ANO10: variants seen among roughly 807,000 people sequenced by gnomAD.
The protein encoded by ANO10 is anoctamin-10.
In ANO10, 77 loss-of-function variants were observed where a neutral mutation model predicts 74.7. That is an observed-to-expected ratio of 1.03 (90% CI 0.86 to 1.25). The LOEUF (loss-of-function observed/expected upper bound fraction) is 1.25. Ranked by LOEUF, ANO10 falls within the 50% of genes most tolerant of loss-of-function variation. ANO10 has a pLI of 0.00. For missense variants in ANO10, 721 were observed against 778.1 expected (o/e 0.93, Z 0.87); for synonymous variants, 279 against 284.9 (o/e 0.98, Z 0.21).
intron 1 of ANO10, among the ~76,000 whole-genome samples, chr3:43,617,621 G>C (rs1316660562): frequency 6.6e-6 from 1 of 152,168 alleles, no homozygotes; most frequent in Non-Finnish European, 1.5e-5. Context: ...GTTCACCATG[G>C]AGAGGTCAGG....
chr3:43,374,071 TG>T (rs2091713970), intron 12 of ANO10, among the ~76,000 whole-genome samples: 1 of 152,048 alleles, frequency 6.6e-6, no homozygotes, highest in Admixed American at 6.5e-5. Context: ...CAGCATGGAG[TG>T]GACGCACCCA....
chr3:43,573,639 G>A (rs2080851322), intron 7 of ANO10, among the ~76,000 whole-genome samples: 1 of 152,142 alleles, frequency 6.6e-6, no homozygotes, highest in African/African-American at 2.4e-5. Context: ...CCCGATAAAT[G>A]AGGTGTTTTC....
chr3:43,512,792 A>G (rs2077559696), intron 11 of ANO10, among the ~76,000 whole-genome samples: 1 of 152,196 alleles, frequency 6.6e-6, no homozygotes, highest in Admixed American at 6.6e-5. Flanking sequence ...ACAACAACCA[A>G]AAAACAAGAC....
chr3:43,577,097 A>G lies in ANO10; in HGVS notation c.757T>C (p.Trp253Arg). The part of the protein sequence containing the change: ...YVIFASFNLI[W>R]STVILELWKR... ...CACAGTTCCAGAATCACCGTGGACC[A>G]GATGAGGTTGAACGAGGCAAAGATC... The change falls in exon 6 of 13, where the codon TGG (tryptophan) becomes CGG (arginine). Residue 253 changes from tryptophan to arginine, a missense_variant. Trp to Arg is a moderately radical substitution (Grantham distance 101). Transcript: ENST00000292246. The G allele has an allele frequency of 6.2e-7, 1 of 1,614,238 alleles. No homozygotes were observed. Among genetic ancestry groups the G allele is most frequent in the Non-Finnish European group, 8.5e-7 (1 of 1,180,038 alleles).
At chr3:43,418,733 G>A (rs1291874606) in intron 12 of ANO10, among the ~76,000 whole-genome samples, 1 of 152,206 alleles carries the variant, frequency 6.6e-6, no homozygotes, top group Non-Finnish European at 1.5e-5. Flanking sequence ...GGAAGCAGCT[G>A]GGTGGCTCTG....
chr3:43,612,199 T>TCTCAAGA (rs2082868607), intron 1 of ANO10, among the ~76,000 whole-genome samples: 3 of 133,022 alleles, frequency 2.3e-5, no homozygotes, highest in Admixed American at 1.6e-4. Flanking sequence ...CAAGAAACAA[T>TCTCAAGA]CTCAAGACTT....
chr3:43,433,100 C>T (rs944103237), intron 11 of ANO10, among the ~76,000 whole-genome samples: 1 of 151,416 alleles, frequency 6.6e-6, no homozygotes, highest in Non-Finnish European at 1.5e-5. Context: ...CACCATCACA[C>T]CTAACTAATT....
At chr3:43,592,764 GA>G (rs2149453759) in intron 4 of ANO10, among the ~76,000 whole-genome samples, 1 of 152,336 alleles carries the variant, frequency 6.6e-6, no homozygotes, top group Non-Finnish European at 1.5e-5. Flanking sequence ...TTGACGAGTT[GA>G]GAGAAGAAGG....
At chr3:43,539,563 G>A (rs2078864882) in intron 11 of ANO10, among the ~76,000 whole-genome samples, 1 of 152,166 alleles carries the variant, frequency 6.6e-6, no homozygotes, top group South Asian at 2.1e-4. Context: ...GGGTGCAGTA[G>A]GAGACAGCAG....
intron 8 of ANO10, among the ~76,000 whole-genome samples, chr3:43,563,418 GTTT>G (rs35992992): frequency 4.5e-5 from 5 of 112,214 alleles, no homozygotes; most frequent in Non-Finnish European, 7.4e-5. Flanking sequence ...ATGGCGAGAG[GTTT>G]TTTTTTTTTT....
At chr3:43,581,514 G>A (rs995877955) in intron 4 of ANO10, among the ~76,000 whole-genome samples, 1 of 152,160 alleles carries the variant, frequency 6.6e-6, no homozygotes, top group African/African-American at 2.4e-5. Context: ...GAGGAAGTGT[G>A]TTCTGTAGAT....
chr3:43,517,139 T>C (rs1350282255), intron 11 of ANO10, among the ~76,000 whole-genome samples: 2 of 152,196 alleles, frequency 1.3e-5, no homozygotes, highest in Non-Finnish European at 2.9e-5. Context: ...TCCAATCAAG[T>C]TTTTATAATC....
chr3:43,683,370 A>T (rs1424598270), intron 1 of ANO10, among the ~76,000 whole-genome samples: 1 of 152,212 alleles, frequency 6.6e-6, no homozygotes, highest in African/African-American at 2.4e-5. Flanking sequence ...TCCAACTTAC[A>T]AAGGACATGA....
intron 1 of ANO10, among the ~76,000 whole-genome samples, chr3:43,607,863 C>T (rs2082635763): frequency 6.6e-6 from 1 of 151,608 alleles, no homozygotes; most frequent in African/African-American, 2.4e-5. Context: ...AATTAAGAAC[C>T]CAAGGAAGGC....
At chr3:43,457,656 A>G (rs1296068494) in intron 11 of ANO10, among the ~76,000 whole-genome samples, 1 of 152,178 alleles carries the variant, frequency 6.6e-6, no homozygotes, top group African/African-American at 2.4e-5. Context: ...GTGGGAACAC[A>G]GAGCCAAACC....
At chr3:43,672,943 T>C (rs2084077304) in intron 1 of ANO10, among the ~76,000 whole-genome samples, 1 of 152,236 alleles carries the variant, frequency 6.6e-6, no homozygotes, top group Non-Finnish European at 1.5e-5. Flanking sequence ...TTCCTGAATA[T>C]TTGACAATCA....
In ANO10 at chr3:43,608,689, C is replaced by T. The variant is rs2082674263; in HGVS notation, c.-11-2826G>A. ...CTCAAACTCTGGGGCCCAAGCAATCCTCCCACTTCAACCTTCCAAGTAGCT... is the reference window on the plus strand; with the variant it reads ...CTCAAACTCTGGGGCCCAAGCAATCTTCCCACTTCAACCTTCCAAGTAGCT... On this transcript the variant is annotated intron_variant, in intron 1 of 12. Coordinates refer to ENST00000292246, the MANE Select transcript of ANO10 (RefSeq NM_018075.5). Among the ~76,000 whole-genome samples, 4 of 152,136 alleles carry T rather than the reference C, an allele frequency of 2.6e-5. No individual in the cohort carries two copies. The South Asian group carries it at 8.3e-4, about 32-fold the overall frequency.
chr3:43,390,598 C>A (rs1471739470), intron 12 of ANO10, among the ~76,000 whole-genome samples: 2 of 152,170 alleles, frequency 1.3e-5, no homozygotes, highest in Admixed American at 6.5e-5. Flanking sequence ...AGCAGAGGAC[C>A]CAGTGTGGGA....
chr3:43,456,611 G>C, intron 11 of ANO10, among the ~76,000 whole-genome samples: 1 of 152,082 alleles, frequency 6.6e-6, no homozygotes. Flanking sequence ...AAAAGAATTA[G>C]AGATTCAGAG....
Sources: gnomAD v4.1 joint callset for allele counts (sites outside exome capture counted in the v4.1 genomes callset) on GRCh38, gnomAD v4.1.1 for gene constraint, MANE v1.5 for transcripts, NCBI Gene and HGNC (gene_info 2026-07-23, HGNC 2026-07-21) for gene names.